The following TJAP1 variants were observed in gnomAD, a reference collection of about 807,000 sequenced individuals.
TJAP1 encodes tight junction associated protein 1.
A neutral mutation model predicts 42.0 loss-of-function variants in TJAP1; 27 were observed. The ratio of observed to expected loss-of-function variants is 0.64; its 90% confidence interval spans 0.47 to 0.89. The LOEUF is 0.89. Among genes scored for constraint, TJAP1 ranks in the 40% least tolerant of loss-of-function variants. The pLI is 0.00. For missense variants in TJAP1, 712 were observed against 726.9 expected, an observed-to-expected ratio of 0.98 and a Z score of 0.24; for synonymous variants, 257 against 288.4, an observed-to-expected ratio of 0.89 and a Z score of 1.10.
chr6:43,487,487 A>G (rs1360223971), intron 2 of TJAP1, among the ~76,000 whole-genome samples: 3 of 152,046 alleles, frequency 2.0e-5, no homozygotes, highest in African/African-American at 4.8e-5. Flanking sequence ...TTGCACTGGT[A>G]TTGGAGACAG....
At chr6:43,494,683 T>C (rs1053232659) in intron 2 of TJAP1, among the ~76,000 whole-genome samples, 2 of 147,148 alleles carry the variant, frequency 1.4e-5, no homozygotes, top group African/African-American at 5.2e-5. Context: ...ACGGAGTCTC[T>C]GTCTCCCAGG....
At position 43,505,476 on chromosome 6, in the gene TJAP1, C is replaced by G; in HGVS notation, c.1295C>G (p.Thr432Arg). Residue 432 changes from threonine to arginine, a missense_variant, in exon 11 of 11, where the codon ACA becomes AGA. Physicochemically the swap from Thr to Arg is moderately conservative, Grantham distance 71. Around this residue, in one of 3 missense-constraint regions of TJAP1, gnomAD observed 549 missense variants for 528.2 expected, o/e 1.04. Coordinates refer to ENST00000372449, the Ensembl canonical transcript of TJAP1. This position sits in a 1 kb window ranked among gnomAD's most constrained non-coding sequence, Gnocchi z 5.5. ...CCACCTGCTGCTGTGGCCCAGCGCA[C>G]AGCCTTTGGACGCGATGCCCTCCCT... 7 of 1,613,716 alleles carry G rather than the reference C, an allele frequency of 4.3e-6. No individual in the cohort carries two copies. The highest frequency in any genetic ancestry group is 5.9e-6 in the Non-Finnish European group (7 of 1,180,032).
intron 1 of TJAP1, among the ~76,000 whole-genome samples, 156 bp from the exon 2 acceptor site, chr6:43,477,931 G>T (rs769645631): frequency 4.6e-5 from 7 of 152,182 alleles, no homozygotes; most frequent in Admixed American, 2.0e-4. Flanking sequence ...GAATAAAGAA[G>T]CCTGGAGCGT....
intron 2 of TJAP1, among the ~76,000 whole-genome samples, chr6:43,493,376 G>A (rs1788258637): frequency 6.6e-6 from 1 of 152,208 alleles, no homozygotes; most frequent in African/African-American, 2.4e-5. Context: ...TTGGTGATGT[G>A]GAGAGTAGGG....
intron 10 of TJAP1, chr6:43,504,103 G>T: frequency 3.0e-6 from 1 of 335,458 alleles, no homozygotes. Flanking sequence ...AGTAGAAGAA[G>T]TAGAGGTATT....
chr6:43,492,173 A>C lies in TJAP1; in HGVS notation c.-121-5708A>C, dbSNP rs959084609. On this transcript the variant is annotated intron_variant, in intron 2 of 10. Transcript: ENST00000372449. This position sits in a 1 kb window ranked among gnomAD's most constrained non-coding sequence, Gnocchi z 4.2. ...GGAAGTGTTTGCTCATGTGGGAGCC[A>C]GATGAGCTCTCACAGGTCACCAGCA... Among the ~76,000 whole-genome samples, 1 of 152,234 alleles carries C rather than the reference A, an allele frequency of 6.6e-6. No individual in the cohort carries two copies. Among genetic ancestry groups the C allele is most frequent in the Non-Finnish European group, 1.5e-5 (1 of 68,038 alleles).
chr6:43,481,318 T>C lies in TJAP1; in HGVS notation c.-122+3086T>C, dbSNP rs546379249. On this transcript the variant is annotated intron_variant, in intron 2 of 10. Transcript: ENST00000372449. ...CTGGGTTGAATGGACAGACTGACAT[T>C]AGAATCTACACTGAGCACACCTTAA... Among the ~76,000 whole-genome samples, 191 of 151,708 alleles carry C rather than the reference T, an allele frequency of 1.3e-3. 2 individuals carry two copies. The highest frequency in any genetic ancestry group is 4.5e-3 in the African/African-American group (186 of 41,308).
At chr6:43,503,019 C>T in intron 8 of TJAP1, 1 of 442,050 alleles carries the variant, frequency 2.3e-6, no homozygotes, top group Non-Finnish European at 4.2e-6. Flanking sequence ...TTCCTCTTCC[C>T]TCTCCTAGCC....
chr6:43,501,740 ACACAC>A, intron 6 of TJAP1, 53 bp downstream of exon 6: 1 of 691,730 alleles, frequency 1.4e-6, no homozygotes, highest in East Asian at 2.7e-5. Flanking sequence ...ACACACACAC[ACACAC>A]ACACACACAC....
At chr6:43,488,966 T>G (rs2127524520) in intron 2 of TJAP1, among the ~76,000 whole-genome samples, 1 of 152,292 alleles carries the variant, frequency 6.6e-6, no homozygotes, top group South Asian at 2.1e-4. Context: ...GGGTGGTGAC[T>G]CTTCCCTTTT....
At chr6:43,490,485 A>C (rs1787566438) in intron 2 of TJAP1, among the ~76,000 whole-genome samples, 1 of 152,178 alleles carries the variant, frequency 6.6e-6, no homozygotes, top group South Asian at 2.1e-4. Flanking sequence ...TCCCTTTATC[A>C]AGAAGGGAAG....
At chr6:43,506,430 A>T (rs185510840) in exon 11 of TJAP1, 1 of 152,652 alleles carries the variant, frequency 6.6e-6, no homozygotes, top group South Asian at 2.1e-4. Context: ...CAGGGGCCTC[A>T]AGCTGGGCTC....
chr6:43,501,805 A>G (rs1261644295), intron 6 of TJAP1, 118 bp downstream of exon 6: 9 of 625,350 alleles, frequency 1.4e-5, no homozygotes, highest in East Asian at 2.9e-5. Flanking sequence ...CTCTCCTTTC[A>G]TAGGAGGTTA....
intron 2 of TJAP1, among the ~76,000 whole-genome samples, chr6:43,479,269 T>C (rs1784825266): frequency 6.6e-6 from 1 of 152,192 alleles, no homozygotes; most frequent in Admixed American, 6.5e-5. Flanking sequence ...TACTGTCTGC[T>C]CTGTACCTGT....
At chr6:43,496,493 G>T (rs1038445673) in intron 2 of TJAP1, among the ~76,000 whole-genome samples, 7 of 152,214 alleles carry the variant, frequency 4.6e-5, no homozygotes, top group Non-Finnish European at 8.8e-5. Context: ...GTGGGGACAC[G>T]TTCTGCCTCC....
intron 8 of TJAP1, 196 bp from the exon 9 acceptor site, chr6:43,503,204 GC>G: frequency 1.7e-6 from 1 of 591,938 alleles, no homozygotes; most frequent in Non-Finnish European, 3.0e-6. Context: ...TGCTAAGAAA[GC>G]CCCCACCCCA....
chr6:43,489,108 T>TC (rs1327566642), intron 2 of TJAP1, among the ~76,000 whole-genome samples: 3 of 152,166 alleles, frequency 2.0e-5, no homozygotes, highest in Non-Finnish European at 4.4e-5. Context: ...TGCAGTCCTG[T>TC]CCTCCCGCCC....
intron 2 of TJAP1, among the ~76,000 whole-genome samples, chr6:43,485,971 T>G (rs878974099): frequency 2.0e-5 from 3 of 152,026 alleles, no homozygotes; most frequent in Admixed American, 1.3e-4. Flanking sequence ...TTTTATGTTT[T>G]TTTTTTTTTT....
intron 2 of TJAP1, among the ~76,000 whole-genome samples, chr6:43,481,095 G>A (rs560969967): frequency 1.3e-5 from 2 of 152,276 alleles, no homozygotes; most frequent in South Asian, 2.1e-4. Context: ...ATGGTTAAAT[G>A]TATATCCATA....
Sources: gnomAD v4.1 joint callset for allele counts (sites outside exome capture counted in the v4.1 genomes callset) on GRCh38, gnomAD v4.1.1 for gene constraint, gnomAD v4.1.1 regional missense constraint, Gnocchi (gnomAD v3.1) non-coding constraint, MANE v1.5 for transcripts, NCBI Gene and HGNC (gene_info 2026-07-23, HGNC 2026-07-21) for gene names.